The following CEP97 variants were observed in gnomAD, a reference collection of about 807,000 sequenced individuals.
The protein encoded by CEP97 is centrosomal protein 97, also known as centrosomal protein of 97 kDa.
Under a neutral mutation model 73.1 loss-of-function variants are expected in CEP97, and 43 were observed. The ratio of observed to expected loss-of-function variants is 0.59; its 90% CI spans 0.46 to 0.76. The LOEUF (loss-of-function observed/expected upper bound fraction) is 0.76. Among genes scored for constraint, CEP97 ranks in the 30% least tolerant of loss-of-function variants. CEP97 has a pLI of 0.00. For missense variants in CEP97, 939 were observed against 1,014.0 expected, an observed-to-expected ratio of 0.93 and a Z score of 1.00; for synonymous variants, 337 against 370.0, an observed-to-expected ratio of 0.91 and a Z score of 1.02.
chr3:101,725,577 C>T (rs548775815), intron 1 of CEP97, among the ~76,000 whole-genome samples: 1 of 152,300 alleles, frequency 6.6e-6, no homozygotes, highest in South Asian at 2.1e-4. Flanking sequence ...TGAGACAGCA[C>T]ACCCCTTTCA....
At chr3:101,724,752 T>G (rs772575367) in intron 1 of CEP97, 33 bp downstream of exon 1, 2 of 1,610,650 alleles carry the variant, frequency 1.2e-6, no homozygotes, top group Non-Finnish European at 1.7e-6. Context: ...TCCTAAGGTT[T>G]ACTTCACGGA....
chr3:101,731,326 C>G (rs1013136978), intron 4 of CEP97, among the ~76,000 whole-genome samples: 1 of 151,320 alleles, frequency 6.6e-6, no homozygotes, highest in East Asian at 1.9e-4. Flanking sequence ...TCAGCCTCCC[C>G]AGTAGCTGGA....
chr3:101,733,735 T>C (rs1303643681), intron 6 of CEP97, among the ~76,000 whole-genome samples: 1 of 152,040 alleles, frequency 6.6e-6, no homozygotes, highest in Admixed American at 6.5e-5. Flanking sequence ...TTTCACCGTT[T>C]TAGCCGGTAT....
chr3:101,762,483 A>G lies in CEP97; in HGVS notation c.1818-2A>G, dbSNP rs751577626. On this transcript the variant is annotated splice_acceptor_variant, in intron 9 of 10. Transcript: ENST00000341893. LOFTEE classifies it high-confidence loss of function. ...TCAATAATGTGTTTTGAATTATTGT[A>G]GATTACGAAAAGAAAGAGATGAAGA... 1.3e-6 allele frequency: 2 copies of G among 1,593,148 alleles called. No homozygotes were observed. The highest frequency in any genetic ancestry group is 1.3e-5 in the African/African-American group (1 of 74,268).
chr3:101,758,365 G>A lies in CEP97; in HGVS notation c.1759G>A (p.Glu587Lys), dbSNP rs779377629. 4.3e-6 allele frequency: 7 copies of A among 1,614,182 alleles called. No individual in the cohort carries two copies. The highest frequency in any genetic ancestry group is 4.5e-5 in the East Asian group (2 of 44,886). ...YNPQAKDVRYEIRLRRMQEHI... is the reference protein window; with the variant it reads ...YNPQAKDVRYKIRLRRMQEHI... ...CCCTCAAGCCAAAGATGTGCGTTACGAAATCCGGCTACGCAGAATGCAAGA... is the reference window on the plus strand; with the variant it reads ...CCCTCAAGCCAAAGATGTGCGTTACAAAATCCGGCTACGCAGAATGCAAGA... Residue 587 changes from glutamate to lysine, a missense_variant, in exon 9 of 11, where the codon GAA becomes AAA. Glu to Lys is a moderately conservative substitution (Grantham distance 56, BLOSUM62 1). Coordinates refer to ENST00000341893, the MANE Select transcript of CEP97 (RefSeq NM_024548.4).
intron 7 of CEP97, among the ~76,000 whole-genome samples, 189 bp downstream of exon 7, chr3:101,755,783 T>C (rs536507727): frequency 1.3e-5 from 2 of 152,260 alleles, no homozygotes; most frequent in South Asian, 4.2e-4. Flanking sequence ...CAATATGGTA[T>C]GGAGGAATAG....
At position 101,728,953 on chromosome 3, in the gene CEP97, T is replaced by C. The variant is rs534423966; in HGVS notation, c.447+16T>C. ...ATCCCTGAAAGTAAGTATGTTTTCT[T>C]TGTCATTTGTGAAGTTTTATAGCAA... is the stretch of plus-strand genomic sequence containing the variant. On this transcript the variant is annotated intron_variant, in intron 4 of 10. Coordinates refer to ENST00000341893, the MANE Select transcript of CEP97 (RefSeq NM_024548.4). The C allele has an allele frequency of 1.3e-5, 18 of 1,369,528 alleles. No individual in the cohort carries two copies. In the East Asian group the frequency reaches 2.7e-4, roughly 21 times the overall value. 84.8% of individuals were successfully genotyped at this position (1,369,528 alleles called of 1,614,324 possible). A position where few individuals can be genotyped will look rare whatever the true frequency, so the allele number is the denominator to read the frequency against.
rs1939366329 is a variant in CEP97, at chr3:101,768,248, G to A, written c.*2697G>A. 1 of 152,198 alleles carries A rather than the reference G, an allele frequency of 6.6e-6. No individual in the cohort carries two copies. The highest frequency in any genetic ancestry group is 1.5e-5 in the Non-Finnish European group (1 of 68,036). 9.4% of individuals were successfully genotyped at this position (152,198 alleles called of 1,614,324 possible). A position where few individuals can be genotyped will look rare whatever the true frequency, so the allele number is the denominator to read the frequency against. The stretch of plus-strand genomic sequence containing the variant: ...TAAAGCACAGCATGTTAAATGACTT[G>A]TCTAAGTTATAGCTAGTTAGTAGTA... On this transcript the variant is annotated 3_prime_UTR_variant, in exon 11 of 11. Coordinates refer to ENST00000341893, the MANE Select transcript of CEP97 (RefSeq NM_024548.4).
rs547567941 is a variant in CEP97, at chr3:101,727,410, C to T, written c.214C>T (p.Arg72Trp). Residue 72 changes from arginine to tryptophan, a missense_variant, in exon 3 of 11, where the codon CGG (arginine) becomes TGG (tryptophan). By Grantham distance (101) the Arg-to-Trp change is moderately radical. Transcript: ENST00000341893. Reference protein sequence around the residue: ...QLSVANNRLVRMMGVAKLTLL... With the variant: ...QLSVANNRLVWMMGVAKLTLL... ...ATCAGTAGCTAATAATCGGCTGGTT[C>T]GGATGATGGGTGTGGCCAAGCTGAC... is the stretch of plus-strand genomic sequence containing the variant. 4.2e-5 allele frequency: 67 copies of T among 1,613,280 alleles called. No individual in the cohort carries two copies. In the South Asian group the frequency reaches 4.6e-4, roughly 11 times the overall value.
At chr3:101,761,237 G>C (rs545037510) in intron 9 of CEP97, among the ~76,000 whole-genome samples, 2 of 152,304 alleles carry the variant, frequency 1.3e-5, no homozygotes, top group South Asian at 2.1e-4. Context: ...TGAAGGTCTA[G>C]ATTGTTGCAG....
intron 9 of CEP97, among the ~76,000 whole-genome samples, chr3:101,761,754 A>G (rs556908121): frequency 6.2e-4 from 94 of 152,306 alleles, no homozygotes; most frequent in African/African-American, 2.2e-3. Context: ...TAGATGGCAC[A>G]GGAGAAAGGC....
In CEP97 at chr3:101,757,733, G is replaced by T; in HGVS notation, c.1127G>T (p.Arg376Ile). Residue 376 changes from arginine (R) to isoleucine (I), a missense_variant, in exon 9 of 11, where the codon AGA becomes ATA. By Grantham distance (97) the Arg-to-Ile change is moderately conservative. Transcript: ENST00000341893. Reference sequence around the variant, plus strand: ...TTTCCAGCCTCTGTACACACTACGAGATATTCTCGAAATGATCTGCACCTG... The same window carrying T: ...TTTCCAGCCTCTGTACACACTACGATATATTCTCGAAATGATCTGCACCTG... The part of the protein sequence containing the change: ...NNFPASVHTT[R>I]YSRNDLHLED... 1 of 1,614,212 alleles carries T rather than the reference G, an allele frequency of 6.2e-7. No individual in the cohort carries two copies. The highest frequency in any genetic ancestry group is 8.5e-7 in the Non-Finnish European group (1 of 1,180,042).
At chr3:101,757,259 A>C in intron 8 of CEP97, 63 bp downstream of exon 8, 2 of 1,533,628 alleles carry the variant, frequency 1.3e-6, no homozygotes, top group South Asian at 2.5e-5. Flanking sequence ...GGGTATCATA[A>C]AGCAGAAAAA....
In CEP97 at chr3:101,762,490, G is replaced by T. The variant is rs1226134242; in HGVS notation, c.1823G>T (p.Arg608Leu). The T allele has an allele frequency of 1.2e-6, 2 of 1,601,706 alleles. No homozygotes were observed. The highest frequency in any genetic ancestry group is 1.7e-6 in the Non-Finnish European group (2 of 1,172,000). The change falls in exon 10 of 11, where the codon CGA becomes CTA. Residue 608 changes from arginine to leucine, a missense_variant. By Grantham distance (102) the Arg-to-Leu change is moderately radical (BLOSUM62 -2). Coordinates refer to ENST00000341893, the MANE Select transcript of CEP97 (RefSeq NM_024548.4). ...TGTGTTTTGAATTATTGTAGATTAC[G>T]AAAAGAAAGAGATGAAGAACGTATT... ...VCLTDEIRRL[R>L]KERDEERIKK...
At chr3:101,726,798 A>T in intron 2 of CEP97, 62 bp downstream of exon 2, 1 of 1,260,858 alleles carries the variant, frequency 7.9e-7, no homozygotes, top group Non-Finnish European at 1.1e-6. Flanking sequence ...CAAAACAATA[A>T]AATAACCTGA....
intron 6 of CEP97, among the ~76,000 whole-genome samples, chr3:101,734,416 A>C (rs1938211123): frequency 6.6e-6 from 1 of 152,190 alleles, no homozygotes; most frequent in African/African-American, 2.4e-5. Flanking sequence ...CTCAACACAT[A>C]CATTATCCCT....
intron 4 of CEP97, among the ~76,000 whole-genome samples, chr3:101,729,350 A>G (rs898900691): frequency 2.1e-4 from 31 of 149,946 alleles, no homozygotes; most frequent in Non-Finnish European, 4.2e-4. Context: ...AAAAAAAAAA[A>G]GGAATTATGT....
intron 2 of CEP97, among the ~76,000 whole-genome samples, 178 bp downstream of exon 2, chr3:101,726,914 T>G (rs892825464): frequency 6.6e-6 from 1 of 152,008 alleles, no homozygotes; most frequent in Non-Finnish European, 1.5e-5. Context: ...GAGAGTAGAT[T>G]AGAAAAAAAA....
chr3:101,750,889 G>A (rs1296393133), intron 6 of CEP97, among the ~76,000 whole-genome samples: 1 of 152,140 alleles, frequency 6.6e-6, no homozygotes, highest in Non-Finnish European at 1.5e-5. Context: ...ATTGTTTGAA[G>A]GGTTTTTTGT....
Sources: gnomAD v4.1 joint callset for allele counts (sites outside exome capture counted in the v4.1 genomes callset) on GRCh38, gnomAD v4.1.1 for gene constraint, MANE v1.5 for transcripts, NCBI Gene and HGNC (gene_info 2026-07-23, HGNC 2026-07-21) for gene names.